Variants in RTTN observed in about 807,000 individuals in gnomAD.
RTTN encodes the protein rotatin.
RTTN carries 182 observed loss-of-function variants against 269.2 expected under a neutral mutation model. The observed-to-expected ratio is 0.68, with a 90% confidence interval of 0.60 to 0.76. The LOEUF is 0.76. RTTN is among the 30% of genes least tolerant of loss of function. RTTN has a pLI of 0.00. For missense variants in RTTN, 2,545 were observed against 2,608.6 expected (o/e 0.98, Z 0.53); for synonymous variants, 1,006 against 963.5 (o/e 1.04, Z -0.82).
chr18:70,205,191 C>A lies in RTTN; in HGVS notation c.156G>T (p.Trp52Cys), dbSNP rs1323331539. The A allele has an allele frequency of 7.4e-6, 12 of 1,614,118 alleles. No individual in the cohort carries two copies. Among genetic ancestry groups the A allele is most frequent in the Non-Finnish European group, 1.0e-5 (12 of 1,180,054 alleles). The change falls in exon 2 of 49, where the codon TGG becomes TGT. Residue 52 changes from tryptophan (W) to cysteine (C), a missense_variant. By Grantham distance (215) the Trp-to-Cys change is radical. Transcript: ENST00000640769. ...ERQLFLHLLE[W>C]FNFPSVPMKE... is the part of the protein sequence containing the mutation. ...TCATCGGAACGGACGGGAAATTGAA[C>A]CATTCCAGCAAATGAAGAAAAAGTT...
At chr18:70,036,001 G>A (rs2144670683) in intron 40 of RTTN, among the ~76,000 whole-genome samples, 1 of 152,236 alleles carries the variant, frequency 6.6e-6, no homozygotes, top group East Asian at 1.9e-4. Context: ...GCCACAGTAA[G>A]ATACCATCTC....
At position 70,119,818 on chromosome 18, in the gene RTTN, G is replaced by C. The variant is rs1043631020; in HGVS notation, c.3528+1738C>G. Among the ~76,000 whole-genome samples the C allele has an allele frequency of 4.6e-5, 7 of 152,108 alleles. No homozygotes were observed. In the East Asian group the frequency reaches 1.3e-3, roughly 29 times the overall value. On this transcript the variant is annotated intron_variant, in intron 26 of 48. Transcript: ENST00000640769. ...AAAATTAAGGTTTTGTGTGCTTCTT[G>C]TAATTAACTACATAGCTTATTACTG...
intron 14 of RTTN, among the ~76,000 whole-genome samples, chr18:70,160,227 A>AATCCACCACGATCAAGTATGCCTT (rs1568484200): frequency 6.6e-6 from 1 of 152,020 alleles, no homozygotes; most frequent in Non-Finnish European, 1.5e-5. Flanking sequence ...GCAAAAAGCT[A>AATCCACCACGATCAAGTATGCCTT]ATCCACCACG....
chr18:70,122,296 A>G (rs2145569815), intron 25 of RTTN, among the ~76,000 whole-genome samples: 1 of 152,288 alleles, frequency 6.6e-6, no homozygotes, highest in East Asian at 1.9e-4. Context: ...AAAGATTAGT[A>G]GACAATAAAA....
chr18:70,108,748 CAT>C (rs2059387610), intron 28 of RTTN, among the ~76,000 whole-genome samples: 1 of 151,740 alleles, frequency 6.6e-6, no homozygotes, highest in Non-Finnish European at 1.5e-5. Context: ...AGGGAAAAAT[CAT>C]GTGATTATCT....
chr18:70,090,037 G>T (rs574424674), intron 30 of RTTN, among the ~76,000 whole-genome samples: 1 of 152,292 alleles, frequency 6.6e-6, no homozygotes, highest in South Asian at 2.1e-4. Flanking sequence ...AAAAGATCAC[G>T]GGTGCAATTC....
chr18:70,094,282 T>C (rs1314233799), intron 28 of RTTN, among the ~76,000 whole-genome samples: 2 of 152,198 alleles, frequency 1.3e-5, no homozygotes, highest in African/African-American at 4.8e-5. Context: ...GAAGGGTTTT[T>C]TGTGTCTCTT....
At chr18:70,190,866 T>C in intron 8 of RTTN, 147 bp from the exon 9 acceptor site, 5 of 549,496 alleles carry the variant, frequency 9.1e-6, no homozygotes, top group Non-Finnish European at 1.6e-5. Flanking sequence ...GTAGAAACTT[T>C]GACAAATTTA....
intron 40 of RTTN, among the ~76,000 whole-genome samples, chr18:70,044,093 T>C (rs907878447): frequency 6.6e-6 from 1 of 152,246 alleles, no homozygotes; most frequent in Non-Finnish European, 1.5e-5. Flanking sequence ...ATGTAGGGTA[T>C]TCTAGGTCAA....
intron 25 of RTTN, among the ~76,000 whole-genome samples, chr18:70,123,580 G>A (rs1425249206): frequency 1.3e-5 from 2 of 151,932 alleles, no homozygotes; most frequent in African/African-American, 4.8e-5. Context: ...GACAGATCAT[G>A]TGGTATTTGT....
At chr18:70,196,208 C>A (rs774713491) in intron 7 of RTTN, among the ~76,000 whole-genome samples, 25 of 152,086 alleles carry the variant, frequency 1.6e-4, no homozygotes, top group Non-Finnish European at 2.6e-4. Context: ...TACCAAATAT[C>A]CGAGTCACTA....
At chr18:70,032,335 C>A (rs2057039585) in intron 40 of RTTN, among the ~76,000 whole-genome samples, 1 of 152,178 alleles carries the variant, frequency 6.6e-6, no homozygotes, top group Non-Finnish European at 1.5e-5. Context: ...TGGCAGACTG[C>A]CTGACTAGCA....
chr18:70,014,335 G>T (rs1269166599), intron 46 of RTTN, among the ~76,000 whole-genome samples: 3 of 152,146 alleles, frequency 2.0e-5, no homozygotes, highest in African/African-American at 7.2e-5. Flanking sequence ...TATAATTAAA[G>T]TTATTTTTAA....
At chr18:70,019,079 C>T (rs2056628235) in intron 45 of RTTN, among the ~76,000 whole-genome samples, 1 of 152,034 alleles carries the variant, frequency 6.6e-6, no homozygotes, top group Non-Finnish European at 1.5e-5. Context: ...TCAGGCATTT[C>T]CTAATTAGAG....
intron 6 of RTTN, 83 bp from the exon 7 acceptor site, chr18:70,196,731 G>T: frequency 7.6e-7 from 1 of 1,324,162 alleles, no homozygotes; most frequent in Non-Finnish European, 1.1e-6. Context: ...AAGTAAGTAA[G>T]CCTAAGTGAA....
chr18:70,040,816 A>G (rs1456585164), intron 40 of RTTN, among the ~76,000 whole-genome samples: 1 of 152,238 alleles, frequency 6.6e-6, no homozygotes, highest in Admixed American at 6.5e-5. Flanking sequence ...ATCAATAACA[A>G]GAGGAATTTT....
intron 10 of RTTN, among the ~76,000 whole-genome samples, chr18:70,182,210 T>C (rs892276040): frequency 1.3e-5 from 2 of 152,174 alleles, no homozygotes; most frequent in Non-Finnish European, 2.9e-5. Flanking sequence ...AAATATGCAG[T>C]TTGTTTCTCT....
At position 70,003,614 on chromosome 18, in the gene RTTN, C is replaced by T. The variant is rs1161997605; in HGVS notation, c.*537G>A. On this transcript the variant is annotated 3_prime_UTR_variant, in exon 49 of 49. Coordinates refer to ENST00000640769, the MANE Select transcript of RTTN (RefSeq NM_173630.4). ...AATGCACACTTACTTCTACATAGCCCTTTTCCAGTGTGGATGCTCTGGATA... is the reference window on the plus strand; with the variant it reads ...AATGCACACTTACTTCTACATAGCCTTTTTCCAGTGTGGATGCTCTGGATA... The T allele has an allele frequency of 6.6e-6, 1 of 152,176 alleles. No individual in the cohort carries two copies. The highest frequency in any genetic ancestry group is 2.4e-5 in the African/African-American group (1 of 41,398). 9.4% of individuals were successfully genotyped at this position (152,176 alleles called of 1,614,324 possible).
chr18:70,166,948 T>C lies in RTTN; in HGVS notation c.1773A>G (p.Ile591Met), dbSNP rs1276935115. Residue 591 changes from isoleucine (I) to methionine (M), a missense_variant, in exon 13 of 49, where the codon ATA (isoleucine) becomes ATG (methionine). Ile to Met is a conservative substitution (Grantham distance 10). Transcript: ENST00000640769. ...TTGAACAAATGCTGATGATTTCCTTTATTAGCGGGAAATGCTGATGATAGG... is the reference window on the plus strand; with the variant it reads ...TTGAACAAATGCTGATGATTTCCTTCATTAGCGGGAAATGCTGATGATAGG... ...SFSYHQHFPL[I>M]KEIISICSKI... The C allele has an allele frequency of 1.2e-6, 2 of 1,613,032 alleles. No individual in the cohort carries two copies. Among genetic ancestry groups the C allele is most frequent in the South Asian group, 2.2e-5 (2 of 91,008 alleles).
Sources: allele counts gnomAD v4.1 joint callset (sites outside exome capture counted in the v4.1 genomes callset), GRCh38; gene constraint gnomAD v4.1.1; transcripts MANE v1.5; gene names NCBI Gene and HGNC (gene_info 2026-07-23, HGNC 2026-07-21).